MACROD2: variants seen among roughly 807,000 people sequenced by gnomAD.
MACROD2 encodes ADP-ribose glycohydrolase MACROD2.
Under a neutral mutation model 70.4 loss-of-function variants are expected in MACROD2, and 36 were observed. That is an observed-to-expected ratio of 0.51 (90% CI 0.39 to 0.68). MACROD2 has a LOEUF of 0.68. MACROD2 is among the 30% of genes least tolerant of loss of function. The probability of loss-of-function intolerance (pLI) is 0.00; values close to 1 mark genes in which losing one functional copy is unlikely to be tolerated. For synonymous variants in MACROD2, 172 were observed against 178.8 expected (o/e 0.96, Z 0.30); for missense variants, 496 against 538.4 (o/e 0.92, Z 0.78).
At chr20:15,301,450 T>C (rs1354610141) in intron 6 of MACROD2, among the ~76,000 whole-genome samples, 1 of 152,162 alleles carries the variant, frequency 6.6e-6, no homozygotes, top group Non-Finnish European at 1.5e-5. Context: ...TCCCAAATGA[T>C]GTTAGCTTCC....
At chr20:14,955,448 C>T (rs2074527886) in intron 5 of MACROD2, among the ~76,000 whole-genome samples, 1 of 151,272 alleles carries the variant, frequency 6.6e-6, no homozygotes, top group Non-Finnish European at 1.5e-5. Context: ...ACCTCATTGC[C>T]CTCCACACAA....
intron 6 of MACROD2, among the ~76,000 whole-genome samples, chr20:15,315,734 A>G (rs1425718082): frequency 6.6e-6 from 1 of 152,212 alleles, no homozygotes; most frequent in Non-Finnish European, 1.5e-5. Flanking sequence ...TTGAAGTCAT[A>G]TGTAGAAATA....
At chr20:14,270,573 G>C (rs2082183473) in intron 3 of MACROD2, among the ~76,000 whole-genome samples, 1 of 141,318 alleles carries the variant, frequency 7.1e-6, no homozygotes, top group Non-Finnish European at 1.5e-5. Context: ...TGGCAACAGA[G>C]TGAGACTCCA....
chr20:15,246,543 CT>C (rs2077107453), intron 6 of MACROD2, among the ~76,000 whole-genome samples: 1 of 152,020 alleles, frequency 6.6e-6, no homozygotes, highest in South Asian at 2.1e-4. Flanking sequence ...AAAACAAGAT[CT>C]TCCCTTAATC....
chr20:15,872,039 T>C (rs574427966), intron 9 of MACROD2, among the ~76,000 whole-genome samples: 2 of 152,338 alleles, frequency 1.3e-5, no homozygotes, highest in East Asian at 3.9e-4. Flanking sequence ...TGGGTATGTC[T>C]GAGCTCAAAT....
chr20:15,144,079 C>T (rs201755969), intron 5 of MACROD2, among the ~76,000 whole-genome samples: 14,254 of 151,902 alleles, frequency 0.094, 699 homozygotes, highest in South Asian at 0.14. Context: ...GGTGCCAAAG[C>T]ATGAATGTTG....
chr20:14,660,742 A>G (rs1014799057), intron 4 of MACROD2, among the ~76,000 whole-genome samples: 3 of 151,910 alleles, frequency 2.0e-5, no homozygotes, highest in Non-Finnish European at 4.4e-5. Flanking sequence ...TATTGTCCCC[A>G]TCTTTCTGTC....
chr20:14,279,960 C>G (rs1177123172), intron 3 of MACROD2, among the ~76,000 whole-genome samples: 4 of 152,152 alleles, frequency 2.6e-5, no homozygotes, highest in African/African-American at 9.7e-5. Flanking sequence ...AGGGAAATTT[C>G]TATCCTACCC....
At chr20:16,037,011 T>C (rs1313768648) in intron 15 of MACROD2, among the ~76,000 whole-genome samples, 3 of 152,008 alleles carry the variant, frequency 2.0e-5, no homozygotes, top group Non-Finnish European at 4.4e-5. Context: ...TATAGTGGTA[T>C]ACAGAGCTAC....
At chr20:15,675,430 A>T (rs971788383) in intron 8 of MACROD2, among the ~76,000 whole-genome samples, 4 of 152,330 alleles carry the variant, frequency 2.6e-5, no homozygotes, top group Admixed American at 6.5e-5. Context: ...ATGTTTAATT[A>T]AACTATTAAT....
rs12481073 is a variant in MACROD2, at chr20:14,524,642, T to C, written c.301+31134T>C. The stretch of plus-strand genomic sequence containing the variant: ...CATCACACCTGGGATGCTCATGCTC[T>C]TGTCCCCTGCCTGCGTTAGCCTTGG... On this transcript the variant is annotated intron_variant, in intron 4 of 17. Coordinates refer to ENST00000684519, the MANE Select transcript of MACROD2 (RefSeq NM_001351661.2). Among the ~76,000 whole-genome samples the C allele has an allele frequency of 1.9e-3, 289 of 152,328 alleles. 4 individuals are homozygous for C. Among genetic ancestry groups the C allele is most frequent in the Admixed American group, 0.018 (272 of 15,304 alleles).
intron 8 of MACROD2, among the ~76,000 whole-genome samples, chr20:15,638,301 A>G (rs147905794): frequency 3.3e-5 from 5 of 152,390 alleles, no homozygotes; most frequent in African/African-American, 1.2e-4. Flanking sequence ...AATAAAAAAT[A>G]TCTCAATAGA....
At chr20:15,903,877 G>A (rs889472085) in intron 10 of MACROD2, among the ~76,000 whole-genome samples, 1 of 152,190 alleles carries the variant, frequency 6.6e-6, no homozygotes, top group African/African-American at 2.4e-5. Context: ...GCAGCGAAAG[G>A]CAGGAATGAT....
chr20:14,941,819 T>G (rs1239359305), intron 5 of MACROD2, among the ~76,000 whole-genome samples: 1 of 151,886 alleles, frequency 6.6e-6, no homozygotes, highest in Non-Finnish European at 1.5e-5. Flanking sequence ...GGTCTCACTG[T>G]ATCACTCAGG....
intron 8 of MACROD2, among the ~76,000 whole-genome samples, chr20:15,637,986 G>A (rs540464357): frequency 1.2e-4 from 19 of 152,184 alleles, no homozygotes; most frequent in African/African-American, 3.9e-4. Context: ...CCATGCTGTC[G>A]GCTATAAACT....
chr20:14,486,766 A>G (rs1000662810), intron 3 of MACROD2, among the ~76,000 whole-genome samples: 2 of 151,990 alleles, frequency 1.3e-5, no homozygotes, highest in African/African-American at 4.8e-5. Flanking sequence ...TGATCTGCCC[A>G]CCTTGGCCTC....
intron 8 of MACROD2, among the ~76,000 whole-genome samples, chr20:15,765,291 A>G (rs1156267072): frequency 6.6e-6 from 1 of 152,170 alleles, no homozygotes; most frequent in East Asian, 1.9e-4. Context: ...TGCCAGTTCA[A>G]ATACTGAGCT....
intron 5 of MACROD2, among the ~76,000 whole-genome samples, chr20:15,146,917 A>G (rs2076234226): frequency 6.6e-6 from 1 of 152,186 alleles, no homozygotes; most frequent in Non-Finnish European, 1.5e-5. Context: ...ATGATTAATC[A>G]TTCTGATTTG....
chr20:15,344,868 C>T (rs946838178), intron 6 of MACROD2, among the ~76,000 whole-genome samples: 5 of 152,140 alleles, frequency 3.3e-5, no homozygotes, highest in Non-Finnish European at 7.3e-5. Flanking sequence ...TCTGATTGCC[C>T]CCTTATGTCT....
Sources: allele counts gnomAD v4.1 joint callset (sites outside exome capture counted in the v4.1 genomes callset), GRCh38; gene constraint gnomAD v4.1.1; transcripts MANE v1.5; gene names NCBI Gene and HGNC (gene_info 2026-07-23, HGNC 2026-07-21).